The following FSTL4 variants were observed in gnomAD, a reference collection of about 807,000 sequenced individuals.
FSTL4 encodes follistatin like 4.
FSTL4 carries 28 observed loss-of-function variants against 78.2 expected under a neutral mutation model. The observed-to-expected ratio is 0.36, with a 90% confidence interval of 0.27 to 0.49. The LOEUF (loss-of-function observed/expected upper bound fraction) is 0.49, where lower values mean the gene tolerates loss of function less well. Among genes scored for constraint, FSTL4 ranks in the 20% least tolerant of loss-of-function variants. The pLI is 0.98. For synonymous variants in FSTL4, 422 were observed against 440.5 expected (o/e 0.96, Z 0.53); for missense variants, 922 against 1,084.9 (o/e 0.85, Z 2.11).
At chr5:133,643,596 T>G in the FSTL4 span, among the ~76,000 whole-genome samples, 13 of 152,060 alleles carry the variant, frequency 8.5e-5, no homozygotes, top group Admixed American at 2.0e-4. Flanking sequence ...CCTCTGGAGT[T>G]CTTCACAACA....
chr5:133,666,705 C>A, the FSTL4 span, among the ~76,000 whole-genome samples: 1 of 152,142 alleles, frequency 6.6e-6, no homozygotes, highest in Non-Finnish European at 1.5e-5. Context: ...TCTGAAAAAG[C>A]AATTCCATGT....
At chr5:133,467,075 T>C (rs1043684203) in intron 3 of FSTL4, among the ~76,000 whole-genome samples, 2 of 151,970 alleles carry the variant, frequency 1.3e-5, no homozygotes, top group African/African-American at 4.8e-5. Flanking sequence ...TGTGTGCATG[T>C]GTATGTGTGA....
At chr5:133,200,249 C>T (rs1750277593) in intron 15 of FSTL4, among the ~76,000 whole-genome samples, 1 of 152,230 alleles carries the variant, frequency 6.6e-6, no homozygotes, top group African/African-American at 2.4e-5. Context: ...TTGCTGTTTT[C>T]TAGACTAACT....
intron 3 of FSTL4, among the ~76,000 whole-genome samples, chr5:133,493,359 G>A (rs1405331517): frequency 6.6e-6 from 1 of 152,128 alleles, no homozygotes; most frequent in East Asian, 1.9e-4. Flanking sequence ...AGCTCTAGTG[G>A]TTTTACTGAT....
At chr5:133,742,534 G>A in the FSTL4 span, among the ~76,000 whole-genome samples, 2 of 152,248 alleles carry the variant, frequency 1.3e-5, no homozygotes, top group South Asian at 4.2e-4. Flanking sequence ...CATCCTTTCA[G>A]CAGTAACACC....
intron 3 of FSTL4, among the ~76,000 whole-genome samples, chr5:133,526,056 G>A (rs1355404622): frequency 6.6e-6 from 1 of 152,054 alleles, no homozygotes; most frequent in Non-Finnish European, 1.5e-5. Context: ...ACACACTGAG[G>A]GCCCTGAGGA....
chr5:133,834,944 TTGTC>T, the FSTL4 span, among the ~76,000 whole-genome samples: 1 of 152,122 alleles, frequency 6.6e-6, no homozygotes, highest in African/African-American at 2.4e-5. Context: ...TTTTTCCTTC[TTGTC>T]TTTTTTCTGA....
chr5:133,712,802 A>G, the FSTL4 span, among the ~76,000 whole-genome samples: 8 of 152,228 alleles, frequency 5.3e-5, no homozygotes, highest in Non-Finnish European at 8.8e-5. Flanking sequence ...TTGAAGGCCT[A>G]TGCCCACGAT....
At chr5:133,403,556 T>C (rs1756286664) in intron 3 of FSTL4, among the ~76,000 whole-genome samples, 1 of 152,148 alleles carries the variant, frequency 6.6e-6, no homozygotes, top group Non-Finnish European at 1.5e-5. Flanking sequence ...GCTAATTCAG[T>C]GCAGTTAAGA....
At chr5:133,341,225 A>ATT (rs1242311488) in intron 4 of FSTL4, among the ~76,000 whole-genome samples, 10,810 of 125,368 alleles carry the variant, frequency 0.086, 532 homozygotes, top group African/African-American at 0.13. Context: ...TCCTGCTCAC[A>ATT]TTTTTTTTTT....
At chr5:133,783,997 C>A in the FSTL4 span, among the ~76,000 whole-genome samples, 1 of 152,026 alleles carries the variant, frequency 6.6e-6, no homozygotes, top group African/African-American at 2.4e-5. Context: ...TGGTTCAAAC[C>A]CTGCCTCCTC....
the FSTL4 span, among the ~76,000 whole-genome samples, chr5:133,688,737 T>C: frequency 4.3e-4 from 66 of 152,302 alleles, no homozygotes; most frequent in Middle Eastern, 3.4e-3. Context: ...TCAGTAAACA[T>C]GTGACTGATG....
At chr5:133,796,158 GAGA>G in the FSTL4 span, among the ~76,000 whole-genome samples, 1 of 152,232 alleles carries the variant, frequency 6.6e-6, no homozygotes, top group Non-Finnish European at 1.5e-5. Context: ...ACTGGAATGG[GAGA>G]GTTCCCTGAA....
chr5:133,563,856 T>C (rs1759972850), intron 3 of FSTL4, among the ~76,000 whole-genome samples: 2 of 152,230 alleles, frequency 1.3e-5, no homozygotes, highest in South Asian at 4.1e-4. Flanking sequence ...AGTCAAAATA[T>C]CATCATCATC....
chr5:133,512,204 G>A (rs1022537683), intron 3 of FSTL4, among the ~76,000 whole-genome samples: 4 of 152,328 alleles, frequency 2.6e-5, no homozygotes, highest in South Asian at 2.1e-4. Flanking sequence ...GGCTGTAGGC[G>A]GCAGACCGTG....
At chr5:133,397,598 G>T (rs1041505151) in intron 4 of FSTL4, among the ~76,000 whole-genome samples, 1 of 152,202 alleles carries the variant, frequency 6.6e-6, no homozygotes, top group African/African-American at 2.4e-5. Flanking sequence ...TTGCAGGGTG[G>T]TGAAGGCTAT....
chr5:133,316,535 C>A lies in FSTL4; in HGVS notation c.527G>T (p.Arg176Leu), dbSNP rs146324470. The A allele has an allele frequency of 6.2e-6, 10 of 1,613,910 alleles. No homozygotes were observed. In the African/African-American group the frequency reaches 1.1e-4, roughly 17 times the overall value. ...DSRQDPASQK[R>L]LLVESLFRDL... ...CCTGAACAGAGATTCCACCAGGAGG[C>A]GCTTCTGGGAGGCAGGGTCTTGTCT... Residue 176 changes from arginine to leucine, a missense_variant, in exon 5 of 16, where the codon CGC becomes CTC. Coordinates refer to ENST00000265342, the MANE Select transcript of FSTL4 (RefSeq NM_015082.2).
intron 3 of FSTL4, among the ~76,000 whole-genome samples, chr5:133,513,769 T>G (rs12659788): frequency 0.39 from 59,691 of 151,698 alleles, 13,109 homozygotes; most frequent in East Asian, 0.63. Context: ...GAGGTGGGAG[T>G]AGAATCTGTA....
chr5:133,511,451 G>A (rs1282908442), intron 3 of FSTL4, among the ~76,000 whole-genome samples: 4 of 152,142 alleles, frequency 2.6e-5, no homozygotes, highest in South Asian at 2.1e-4. Context: ...TGTCTTGACC[G>A]CAGACCCAAC....
Sources: allele counts gnomAD v4.1 joint callset (sites outside exome capture counted in the v4.1 genomes callset), GRCh38; gene constraint gnomAD v4.1.1; transcripts MANE v1.5; gene names NCBI Gene and HGNC (gene_info 2026-07-23, HGNC 2026-07-21).